KCNMA1: variants seen among roughly 807,000 people sequenced by gnomAD.
The protein encoded by KCNMA1 is Calcium-activated potassium channel subunit alpha-1.
KCNMA1 carries 29 observed loss-of-function variants against 140.0 expected under a neutral mutation model. The ratio of observed to expected loss-of-function variants is 0.21; its 90% confidence interval spans 0.15 to 0.28. The LOEUF is 0.28. Among genes scored for constraint, KCNMA1 ranks in the 10% least tolerant of loss-of-function variants. The pLI, the probability that KCNMA1 is intolerant of heterozygous loss-of-function variation, is 1.00. For missense variants in KCNMA1, 880 were observed against 1,602.2 expected, an observed-to-expected ratio of 0.55 and a Z score of 7.70; for synonymous variants, 612 against 611.9, an observed-to-expected ratio of 1.00 and a Z score of 0.00.
intron 25 of KCNMA1, chr10:76,901,211 G>A (rs1032917725): frequency 1.3e-5 from 2 of 152,120 alleles, no homozygotes; most frequent in African/African-American, 4.8e-5. Context: ...CATCCATTTA[G>A]AAGGAAAGAC....
rs117226862 is a variant in KCNMA1 at position 76,994,278 on chromosome 10, G to T, written c.2266+7129C>A. On this transcript the variant is annotated intron_variant, in intron 19 of 27. Transcript: ENST00000286628. ...GCAAACAGCAGTTACCACATAATAA[G>T]GGTTAAATTAATTAATATTTGTGGT... 6.5e-4 allele frequency among the ~76,000 whole-genome samples: 99 copies of T among 152,286 alleles called. 1 individual carries two copies. In the East Asian group the frequency reaches 0.016, roughly 24 times the overall value.
At chr10:77,180,890 AT>A in intron 5 of KCNMA1, among the ~76,000 whole-genome samples, 1 of 152,106 alleles carries the variant, frequency 6.6e-6, no homozygotes, top group East Asian at 1.9e-4. Context: ...GTGCCAATAG[AT>A]TTTTTATGAG....
chr10:77,346,117 A>G (rs924391794), intron 2 of KCNMA1, among the ~76,000 whole-genome samples: 2 of 152,240 alleles, frequency 1.3e-5, no homozygotes, highest in Non-Finnish European at 2.9e-5. Context: ...CTTCATGACG[A>G]ACCTTGAAAC....
intron 10 of KCNMA1, among the ~76,000 whole-genome samples, chr10:77,086,904 G>A (rs927390471): frequency 7.9e-5 from 12 of 152,220 alleles, no homozygotes; most frequent in African/African-American, 2.4e-4. Flanking sequence ...GCTGGGCTGC[G>A]CCACTAGTGG....
At chr10:77,193,908 C>G (rs1565131379) in intron 3 of KCNMA1, among the ~76,000 whole-genome samples, 1 of 152,168 alleles carries the variant, frequency 6.6e-6, no homozygotes, top group Non-Finnish European at 1.5e-5. Flanking sequence ...GAATTTAGTC[C>G]TAGGGAAACA....
chr10:77,086,822 A>G (rs985136572), intron 10 of KCNMA1, among the ~76,000 whole-genome samples: 1 of 149,800 alleles, frequency 6.7e-6, no homozygotes, highest in Non-Finnish European at 1.5e-5. Flanking sequence ...CATGGGCTTT[A>G]GGAAGGCCAA....
rs575301533 is a variant in KCNMA1 at position 77,223,351 on chromosome 10, C to T, written c.602+27844G>A. On this transcript the variant is annotated intron_variant, in intron 3 of 27. Coordinates refer to ENST00000286628, the MANE Select transcript of KCNMA1 (RefSeq NM_001161352.2). ...GATGACATTAACCCAGCCACCTGCTCATCTTGGTCCTGCTCAGTTAACCTG... is the reference window on the plus strand; with the variant it reads ...GATGACATTAACCCAGCCACCTGCTTATCTTGGTCCTGCTCAGTTAACCTG... 7.9e-5 allele frequency among the ~76,000 whole-genome samples: 12 copies of T among 152,278 alleles called. No individual in the cohort carries two copies. The East Asian group carries it at 2.3e-3, about 29-fold the overall frequency.
At chr10:77,380,629 C>T (rs1254802601) in intron 2 of KCNMA1, among the ~76,000 whole-genome samples, 2 of 152,164 alleles carry the variant, frequency 1.3e-5, no homozygotes, top group South Asian at 2.1e-4. Flanking sequence ...CGCTTACTCC[C>T]TCAAATGCAC....
intron 2 of KCNMA1, among the ~76,000 whole-genome samples, chr10:77,361,848 G>A (rs951935135): frequency 2.6e-5 from 4 of 152,226 alleles, no homozygotes; most frequent in East Asian, 1.9e-4. Context: ...CTTAAAAAGC[G>A]GGAACGAAAG....
chr10:77,119,615 A>T (rs2097552686), intron 6 of KCNMA1, among the ~76,000 whole-genome samples: 1 of 152,344 alleles, frequency 6.6e-6, no homozygotes, highest in Admixed American at 6.5e-5. Flanking sequence ...CACATAGAAG[A>T]ATAATTAAAA....
intron 19 of KCNMA1, among the ~76,000 whole-genome samples, chr10:76,989,591 C>A (rs2082198171): frequency 6.6e-6 from 1 of 152,118 alleles, no homozygotes; most frequent in African/African-American, 2.4e-5. Flanking sequence ...AGATGGAAAT[C>A]AATGTTCTGG....
intron 9 of KCNMA1, among the ~76,000 whole-genome samples, chr10:77,095,886 C>T (rs2096919972): frequency 6.6e-6 from 1 of 152,106 alleles, no homozygotes; most frequent in South Asian, 2.1e-4. Context: ...AGGGCAGTGA[C>T]TGAGGCATCA....
chr10:76,926,163 G>A (rs1337713971), intron 23 of KCNMA1, among the ~76,000 whole-genome samples: 1 of 152,136 alleles, frequency 6.6e-6, no homozygotes, highest in Non-Finnish European at 1.5e-5. Context: ...GTTTGATGCT[G>A]GTTTGACTCT....
chr10:76,949,415 C>A, intron 21 of KCNMA1, 49 bp from the exon 22 acceptor site: 2 of 1,416,232 alleles, frequency 1.4e-6, no homozygotes, highest in Non-Finnish European at 2.0e-6. Flanking sequence ...CTGCATAGGG[C>A]TGTTGTAAGG....
At position 76,936,955 on chromosome 10, in the gene KCNMA1, G is replaced by A. The variant is rs183899955; in HGVS notation, c.2902+7818C>T. Among the ~76,000 whole-genome samples the A allele has an allele frequency of 2.2e-3, 334 of 152,234 alleles. 1 individual carries two copies. The highest frequency in any genetic ancestry group is 4.2e-3 in the Non-Finnish European group (283 of 68,024). On this transcript the variant is annotated intron_variant, in intron 23 of 27. Coordinates refer to ENST00000286628, the MANE Select transcript of KCNMA1 (RefSeq NM_001161352.2). ...TGACAAACACCATAGCTCTCCCTCT[G>A]GAGTTACAATGCAAATCATATAAAA... is the stretch of plus-strand genomic sequence containing the variant.
rs116144703 is a variant in KCNMA1, at chr10:77,636,457, G to A, written c.378+808C>T. ...TCCGCGTAAAACCGCGGCCTCAGGC[G>A]GACTCCCGCTCCAGCTCCGCGCTGC... On this transcript the variant is annotated intron_variant, in intron 1 of 27. Transcript: ENST00000286628. 2.6e-4 allele frequency: 398 copies of A among 1,536,208 alleles called. 4 individuals carry two copies. The African/African-American group carries it at 5.0e-3, about 19-fold the overall frequency.
rs552636124 is a variant in KCNMA1, at chr10:77,216,540, A to G, written c.603-31624T>C. ...CCACCAAGAAAGAAAATATTTACCA[A>G]TTATAGCCATAAGAAGTCATGAATG... On this transcript the variant is annotated intron_variant, in intron 3 of 27. Coordinates refer to ENST00000286628, the MANE Select transcript of KCNMA1 (RefSeq NM_001161352.2). 2.6e-5 allele frequency among the ~76,000 whole-genome samples: 4 copies of G among 152,294 alleles called. No individual in the cohort carries two copies. The East Asian group carries it at 5.8e-4, about 22-fold the overall frequency.
chr10:77,182,915 T>A (rs1478043995), intron 5 of KCNMA1, among the ~76,000 whole-genome samples: 4 of 152,126 alleles, frequency 2.6e-5, no homozygotes, highest in Non-Finnish European at 5.9e-5. Context: ...GGGACCTCAG[T>A]CTCCTGTAAG....
chr10:77,465,454 G>C (rs2097973522), intron 1 of KCNMA1, among the ~76,000 whole-genome samples: 2 of 152,174 alleles, frequency 1.3e-5, no homozygotes, highest in African/African-American at 4.8e-5. Flanking sequence ...GAAATACTCA[G>C]AGTTTTGGAG....
Sources: allele counts gnomAD v4.1 joint callset (sites outside exome capture counted in the v4.1 genomes callset), GRCh38; gene constraint gnomAD v4.1.1; transcripts MANE v1.5; gene names NCBI Gene and HGNC (gene_info 2026-07-23, HGNC 2026-07-21).